Variants in SLC30A8 observed in about 807,000 individuals in gnomAD.
SLC30A8 encodes the protein proton-coupled zinc antiporter SLC30A8.
Under a neutral mutation model 36.9 loss-of-function variants are expected in SLC30A8, and 27 were observed. The ratio of observed to expected loss-of-function variants is 0.73; its 90% confidence interval spans 0.54 to 1.01. SLC30A8 has a LOEUF of 1.01. Among genes scored for constraint, SLC30A8 ranks in the 50% least tolerant of loss-of-function variants. The pLI is 0.00. For synonymous variants in SLC30A8, 164 were observed against 172.4 expected, an observed-to-expected ratio of 0.95 and a Z score of 0.38; for missense variants, 439 against 452.0, an observed-to-expected ratio of 0.97 and a Z score of 0.26.
chr8:117,078,036 G>A (rs1818545780), intron 2 of SLC30A8, among the ~76,000 whole-genome samples: 1 of 152,124 alleles, frequency 6.6e-6, no homozygotes, highest in Admixed American at 6.6e-5. Context: ...AGAAATGTCA[G>A]GAATACCTTA....
chr8:117,008,293 G>T (rs1017478669), intron 1 of SLC30A8, among the ~76,000 whole-genome samples: 1 of 152,328 alleles, frequency 6.6e-6, no homozygotes, highest in South Asian at 2.1e-4. Context: ...ATTTCTGTAT[G>T]ACTTAGAAGT....
At chr8:117,114,321 A>C (rs1319204322) in intron 2 of SLC30A8, among the ~76,000 whole-genome samples, 1 of 152,116 alleles carries the variant, frequency 6.6e-6, no homozygotes, top group Admixed American at 6.6e-5. Flanking sequence ...CTTCCTGTCT[A>C]TATATCCCCT....
intron 2 of SLC30A8, among the ~76,000 whole-genome samples, chr8:117,087,523 C>A (rs1354939633): frequency 6.6e-6 from 1 of 152,128 alleles, no homozygotes; most frequent in Admixed American, 6.5e-5. Context: ...ACCTTTCAAG[C>A]TGGCTTCGTC....
chr8:117,070,905 C>T (rs1417435238), intron 2 of SLC30A8, among the ~76,000 whole-genome samples: 2 of 152,094 alleles, frequency 1.3e-5, no homozygotes, highest in Admixed American at 6.6e-5. Flanking sequence ...AATACTATTC[C>T]ATTGTGTATA....
At chr8:117,139,390 C>T (rs930871251) in intron 1 of SLC30A8, among the ~76,000 whole-genome samples, 18 of 152,018 alleles carry the variant, frequency 1.2e-4, no homozygotes, top group Non-Finnish European at 2.2e-4. Flanking sequence ...GGAAAGACCA[C>T]GCGAGGAAGT....
At chr8:116,951,220 C>T (rs1011846709) in intron 1 of SLC30A8, 1 of 152,160 alleles carries the variant, frequency 6.6e-6, no homozygotes, top group African/African-American at 2.4e-5. Context: ...TTGGGTTAAG[C>T]ATGGGCATCT....
intron 1 of SLC30A8, among the ~76,000 whole-genome samples, chr8:116,951,496 A>T (rs1563718788): frequency 6.6e-6 from 1 of 152,088 alleles, no homozygotes; most frequent in African/African-American, 2.4e-5. Flanking sequence ...AGCACATCCG[A>T]TGTAAGTTTG....
At chr8:116,953,478 T>C (rs1422290051) in intron 1 of SLC30A8, among the ~76,000 whole-genome samples, 1 of 152,214 alleles carries the variant, frequency 6.6e-6, no homozygotes, top group African/African-American at 2.4e-5. Context: ...TTCATTTCCT[T>C]TGATGTTGAT....
At chr8:117,112,510 A>G (rs1479612091) in intron 2 of SLC30A8, among the ~76,000 whole-genome samples, 6 of 152,112 alleles carry the variant, frequency 3.9e-5, no homozygotes, top group African/African-American at 1.4e-4. Flanking sequence ...CTGAGCTGGG[A>G]GGGAGAAAGC....
At chr8:117,010,631 C>G (rs1816313034) in intron 1 of SLC30A8, among the ~76,000 whole-genome samples, 1 of 152,156 alleles carries the variant, frequency 6.6e-6, no homozygotes, top group South Asian at 2.1e-4. Flanking sequence ...TTAGTTTGTT[C>G]TCGCACTGCT....
intron 2 of SLC30A8, among the ~76,000 whole-genome samples, chr8:117,149,003 C>A (rs555398343): frequency 2.0e-5 from 3 of 152,158 alleles, no homozygotes; most frequent in African/African-American, 7.2e-5. Flanking sequence ...CTGTCTTGTG[C>A]AGAAAACATA....
intron 6 of SLC30A8, among the ~76,000 whole-genome samples, chr8:117,169,943 AC>A (rs1823287190): frequency 6.6e-6 from 1 of 152,092 alleles, no homozygotes; most frequent in Admixed American, 6.6e-5. Context: ...AAACTATATC[AC>A]CCAGAGATTC....
chr8:116,979,622 GA>G (rs1815187688), intron 1 of SLC30A8, among the ~76,000 whole-genome samples: 1 of 152,204 alleles, frequency 6.6e-6, no homozygotes, highest in Admixed American at 6.5e-5. Context: ...ACTGTCTGAA[GA>G]AAAATGGCAG....
chr8:117,100,439 T>C (rs1819658698), intron 2 of SLC30A8, among the ~76,000 whole-genome samples: 1 of 152,138 alleles, frequency 6.6e-6, no homozygotes, highest in South Asian at 2.1e-4. Flanking sequence ...AGCTCCTCTT[T>C]GAGGCTCTAA....
At chr8:116,962,609 T>C (rs183293740) in intron 1 of SLC30A8, among the ~76,000 whole-genome samples, 1 of 152,076 alleles carries the variant, frequency 6.6e-6, no homozygotes, top group Non-Finnish European at 1.5e-5. Flanking sequence ...GTTGATTCGT[T>C]TTCACAGAAT....
intron 1 of SLC30A8, among the ~76,000 whole-genome samples, chr8:117,023,816 C>A (rs933889015): frequency 1.3e-5 from 2 of 151,822 alleles, no homozygotes; most frequent in Non-Finnish European, 2.9e-5. Context: ...CACATGTATA[C>A]ATGTGTAACT....
chr8:117,145,552 G>GT (rs1462155643), intron 1 of SLC30A8, among the ~76,000 whole-genome samples: 1 of 151,972 alleles, frequency 6.6e-6, no homozygotes, highest in Non-Finnish European at 1.5e-5. Context: ...TTGTTTGTTT[G>GT]TTATTACCTT....
At chr8:117,126,420 T>C (rs1563613167) in intron 2 of SLC30A8, among the ~76,000 whole-genome samples, 2 of 151,938 alleles carry the variant, frequency 1.3e-5, no homozygotes, top group South Asian at 2.1e-4. Flanking sequence ...GAAAACAGGT[T>C]CAGAAAGATT....
chr8:116,962,521 G>A (rs1483309236), intron 1 of SLC30A8, among the ~76,000 whole-genome samples: 1 of 151,936 alleles, frequency 6.6e-6, no homozygotes, highest in African/African-American at 2.4e-5. Flanking sequence ...GCTCACTCTA[G>A]TCATGGCATT....
Sources: gnomAD v4.1 joint callset for allele counts (sites outside exome capture counted in the v4.1 genomes callset) on GRCh38, gnomAD v4.1.1 for gene constraint, MANE v1.5 for transcripts, NCBI Gene and HGNC (gene_info 2026-07-23, HGNC 2026-07-21) for gene names.